The following CSAD variants were observed in gnomAD, a reference collection of about 807,000 sequenced individuals.
CSAD encodes the protein cysteine sulfinic acid decarboxylase, also known as P-selectin cytoplasmic tail-associated protein.
CSAD carries 47 observed loss-of-function variants against 61.5 expected under a neutral mutation model. That is an observed-to-expected ratio of 0.76 (90% CI 0.60 to 0.97). The LOEUF is 0.97. CSAD is among the 50% of genes least tolerant of loss of function. The pLI, the probability that CSAD is intolerant of heterozygous loss-of-function variation, is 0.00. For synonymous variants in CSAD, 245 were observed against 252.7 expected (o/e 0.97, Z 0.29); for missense variants, 611 against 643.6 (o/e 0.95, Z 0.55).
chr12:53,170,166 C>A (rs962577528), intron 9 of CSAD, 40 bp from the exon 10 acceptor site: 1 of 1,589,586 alleles, frequency 6.3e-7, no homozygotes, highest in Non-Finnish European at 8.6e-7. Flanking sequence ...GGGACAGGTT[C>A]TCTGTTGAAG....
chr12:53,173,695 G>A (rs377452339), intron 3 of CSAD, 33 bp downstream of exon 3: 135 of 1,518,904 alleles, frequency 8.9e-5, no homozygotes, highest in Admixed American at 6.9e-4. Flanking sequence ...GGACTCTAGT[G>A]GCCATTTCCA....
chr12:53,160,183 A>G lies in CSAD; in HGVS notation c.1103T>C (p.Met368Thr), dbSNP rs767432383. The G allele has an allele frequency of 3.1e-6, 5 of 1,614,144 alleles. No homozygotes were observed. The highest frequency in any genetic ancestry group is 3.4e-6 in the Non-Finnish European group (4 of 1,180,032). ...RRVDCLKLWL[M>T]WKAQGDQGLE... ...CCCTTGATCGCCCTGTGCCTTCCAC[A>G]TGAGCCACAGCTTCAGACAGTCCAC... is the stretch of plus-strand genomic sequence containing the variant. Residue 368 changes from methionine to threonine, a missense_variant, in exon 14 of 17, where the codon ATG becomes ACG. Transcript: ENST00000444623.
At chr12:53,178,408 C>T (rs1941270770) in intron 2 of CSAD, 2 of 455,876 alleles carry the variant, frequency 4.4e-6, no homozygotes, top group African/African-American at 4.0e-5. Context: ...GGGAGGATTC[C>T]TTGAGCCCAG....
At chr12:53,164,202 A>G (rs182288675) in intron 10 of CSAD, among the ~76,000 whole-genome samples, 180 of 152,346 alleles carry the variant, frequency 1.2e-3, no homozygotes, top group African/African-American at 4.0e-3. Context: ...TAGGTTAAAT[A>G]TAACACCAAA....
chr12:53,173,928 C>G (rs984717550), intron 2 of CSAD, 158 bp from the exon 3 acceptor site: 2 of 683,204 alleles, frequency 2.9e-6, no homozygotes, highest in African/African-American at 3.6e-5. Flanking sequence ...CAGTCATTTC[C>G]CATTCTCCCC....
chr12:53,168,394 T>G (rs565196213), intron 10 of CSAD, among the ~76,000 whole-genome samples: 1 of 152,328 alleles, frequency 6.6e-6, no homozygotes, highest in East Asian at 1.9e-4. Context: ...GTGAATTATA[T>G]ATCAATAAAA....
chr12:53,170,810 T>A, intron 8 of CSAD: 2 of 402,238 alleles, frequency 5.0e-6, no homozygotes, highest in Non-Finnish European at 9.3e-6. Flanking sequence ...AACTTCCGCC[T>A]CCCAGGTTCA....
intron 15 of CSAD, 74 bp downstream of exon 15, chr12:53,159,813 G>T: frequency 6.5e-7 from 1 of 1,537,850 alleles, no homozygotes. Context: ...CCTCCACTAG[G>T]GCTTTAGTTG....
chr12:53,176,516 G>A (rs1388087260), intron 2 of CSAD, among the ~76,000 whole-genome samples: 5 of 151,846 alleles, frequency 3.3e-5, no homozygotes, highest in African/African-American at 1.2e-4. Flanking sequence ...TCAGGAGATC[G>A]AGACCATCCT....
intron 1 of CSAD, chr12:53,180,024 G>C: frequency 7.0e-7 from 1 of 1,432,726 alleles, no homozygotes; most frequent in African/African-American, 1.4e-5. Context: ...TGGAGTAAAG[G>C]GCGAAGGGGA....
At chr12:53,160,951 T>G in intron 12 of CSAD, 107 bp from the exon 13 acceptor site, 1 of 1,188,334 alleles carries the variant, frequency 8.4e-7, no homozygotes, top group Non-Finnish European at 1.2e-6. Flanking sequence ...GGTCTCACCC[T>G]CACCCCAGCA....
chr12:53,175,287 T>C (rs112195984), intron 2 of CSAD, among the ~76,000 whole-genome samples: 10 of 152,164 alleles, frequency 6.6e-5, no homozygotes, highest in Non-Finnish European at 1.2e-4. Context: ...GCAGGAGTCA[T>C]TGCAATGCTA....
intron 1 of CSAD, chr12:53,180,525 C>T (rs997818010): frequency 1.6e-5 from 20 of 1,274,684 alleles, no homozygotes; most frequent in Admixed American, 7.3e-5. Flanking sequence ...GGCCTCAGCG[C>T]TCCCTCCTCC....
chr12:53,169,255 G>A (rs1940271317), intron 10 of CSAD, among the ~76,000 whole-genome samples: 1 of 151,964 alleles, frequency 6.6e-6, no homozygotes, highest in South Asian at 2.1e-4. Flanking sequence ...TGAGGCAGGC[G>A]GATCGCCTGA....
intron 10 of CSAD, among the ~76,000 whole-genome samples, chr12:53,163,970 TTTA>T (rs1939597761): frequency 6.6e-6 from 1 of 152,164 alleles, no homozygotes; most frequent in South Asian, 2.1e-4. Context: ...AGTCAAGTGA[TTTA>T]CAACAAGGAT....
rs985302916 is a variant in CSAD at position 53,158,003 on chromosome 12, G to C, written c.*508C>G. The C allele has an allele frequency of 2.0e-5, 3 of 151,908 alleles. No individual in the cohort carries two copies. The highest frequency in any genetic ancestry group is 7.3e-5 in the African/African-American group (3 of 41,314). The allele number at this position is 151,908 out of a possible 1,614,324, so 9.4% of individuals were successfully genotyped here. On this transcript the variant is annotated 3_prime_UTR_variant, in exon 17 of 17. Coordinates refer to ENST00000444623, the MANE Select transcript of CSAD (RefSeq NM_001244705.2). ...TATCTTTGTAAACAAAATTTTAATG[G>C]CAAAATAACATTTCATCATATAGAC...
At position 53,180,714 on chromosome 12, in the gene CSAD, T is replaced by C. The variant is rs1389598820; in HGVS notation, c.-91+18A>G. On this transcript the variant is annotated intron_variant, in intron 1 of 16. Coordinates refer to ENST00000444623, the MANE Select transcript of CSAD (RefSeq NM_001244705.2). ...TGCTTCCGGGGAAACGGGCCGGGGT[T>C]GGTGTTTGTAAACTTGCCTCGGTCC... 7.9e-7 allele frequency: 1 copy of C among 1,267,442 alleles called. No individual in the cohort carries two copies. The highest frequency in any genetic ancestry group is 1.0e-6 in the Non-Finnish European group (1 of 978,422). 78.5% of individuals were successfully genotyped at this position (1,267,442 alleles called of 1,614,324 possible).
intron 4 of CSAD, 36 bp from the exon 5 acceptor site, chr12:53,172,684 T>G (rs781531301): frequency 6.3e-7 from 1 of 1,587,322 alleles, no homozygotes; most frequent in South Asian, 1.1e-5. Flanking sequence ...GGGCCTGGGA[T>G]GCCTGTGGAC....
intron 2 of CSAD, among the ~76,000 whole-genome samples, chr12:53,175,992 T>A (rs1292726880): frequency 6.6e-6 from 1 of 152,186 alleles, no homozygotes; most frequent in Non-Finnish European, 1.5e-5. Context: ...GGCTACCTCT[T>A]CCACTGCATC....
Sources: allele counts gnomAD v4.1 joint callset (sites outside exome capture counted in the v4.1 genomes callset), GRCh38; gene constraint gnomAD v4.1.1; transcripts MANE v1.5; gene names NCBI Gene and HGNC (gene_info 2026-07-23, HGNC 2026-07-21).